The following RNF150 variants were observed in gnomAD, a reference collection of about 807,000 sequenced individuals.
RNF150 encodes ring finger protein 150.
In RNF150, 24 loss-of-function variants were observed where a neutral mutation model predicts 39.3. The ratio of observed to expected loss-of-function variants is 0.61; its 90% CI spans 0.44 to 0.86. RNF150 has a LOEUF of 0.86. Ranked by LOEUF, RNF150 falls within the 40% of genes least tolerant of loss-of-function variation. RNF150 has a pLI of 0.00. For synonymous variants in RNF150, 255 were observed against 227.3 expected, an observed-to-expected ratio of 1.12 and a Z score of -1.10; for missense variants, 502 against 587.8, an observed-to-expected ratio of 0.85 and a Z score of 1.51.
chr4:140,950,656 C>T (rs538345756), intron 2 of RNF150, among the ~76,000 whole-genome samples: 1 of 152,242 alleles, frequency 6.6e-6, no homozygotes, highest in African/African-American at 2.4e-5. Context: ...AGTCAGCCAT[C>T]CATCCAACGT....
chr4:141,155,728 C>A (rs1727382098), intron 1 of RNF150, among the ~76,000 whole-genome samples: 2 of 152,128 alleles, frequency 1.3e-5, no homozygotes, highest in African/African-American at 2.4e-5. Flanking sequence ...CAAAGACATG[C>A]AGTGCCCAGT....
At chr4:141,119,911 G>A (rs1466454488) in intron 1 of RNF150, among the ~76,000 whole-genome samples, 4 of 152,176 alleles carry the variant, frequency 2.6e-5, no homozygotes, top group Admixed American at 2.6e-4. Flanking sequence ...AAGTTTTTAA[G>A]CATTCAAATT....
intron 1 of RNF150, among the ~76,000 whole-genome samples, chr4:141,125,354 A>G (rs1578752764): frequency 6.6e-6 from 1 of 152,332 alleles, no homozygotes; most frequent in Middle Eastern, 3.4e-3. Context: ...TCTGGGTTTT[A>G]TATTACCACC....
chr4:141,133,364 C>T lies in RNF150; in HGVS notation c.-556G>A, dbSNP rs1035832644. ...GCGGGCGCTGCGCTCCTGATCTCGC[C>T]GGTGGCTGCGCCTGGGCACGCACTT... On this transcript the variant is annotated 5_prime_UTR_variant, in exon 1 of 7. Transcript: ENST00000515673. The T allele has an allele frequency of 3.1e-5, 5 of 160,534 alleles. No homozygotes were observed. The highest frequency in any genetic ancestry group is 1.3e-4 in the Admixed American group (2 of 15,368). The allele number at this position is 160,534 out of a possible 1,614,324, so 9.9% of individuals were successfully genotyped here. A position where few individuals can be genotyped will look rare whatever the true frequency, so the allele number is the denominator to read the frequency against.
intron 4 of RNF150, among the ~76,000 whole-genome samples, chr4:140,940,406 TGTGTATA>T (rs1732036065): frequency 1.3e-5 from 2 of 152,050 alleles, no homozygotes; most frequent in Non-Finnish European, 2.9e-5. Flanking sequence ...TGTGTGTGTG[TGTGTATA>T]ACAATTGAAG....
chr4:141,203,965 G>A (rs1446900782), intron 1 of RNF150, among the ~76,000 whole-genome samples: 1 of 152,122 alleles, frequency 6.6e-6, no homozygotes. Context: ...GGTCAGGTGA[G>A]AGCAGAGAGA....
intron 4 of RNF150, among the ~76,000 whole-genome samples, chr4:140,946,587 AG>A (rs1221464988): frequency 6.6e-6 from 1 of 152,188 alleles, no homozygotes; most frequent in Non-Finnish European, 1.5e-5. Flanking sequence ...CCTGGGCTCA[AG>A]GGATCCTCCC....
In RNF150 at chr4:141,091,790, T is replaced by A. The variant is rs979269360; in HGVS notation, c.484+40535A>T. Reference sequence around the variant, plus strand: ...TATAAGACAGACCCACTGACTCATATGAAACAAGCTACCAACACACAAAAG... The same window carrying A: ...TATAAGACAGACCCACTGACTCATAAGAAACAAGCTACCAACACACAAAAG... On this transcript the variant is annotated intron_variant, in intron 1 of 6. Transcript: ENST00000515673. Among the ~76,000 whole-genome samples, 9 of 152,296 alleles carry A rather than the reference T, an allele frequency of 5.9e-5. No individual in the cohort carries two copies. In the East Asian group the frequency reaches 1.7e-3, roughly 29 times the overall value.
chr4:141,024,924 T>C (rs1735639838), intron 1 of RNF150, among the ~76,000 whole-genome samples: 1 of 152,176 alleles, frequency 6.6e-6, no homozygotes, highest in African/African-American at 2.4e-5. Flanking sequence ...GAATCAAGAA[T>C]AGGGAGTCTG....
intron 1 of RNF150, among the ~76,000 whole-genome samples, chr4:141,066,200 G>T (rs1284494698): frequency 6.6e-6 from 1 of 151,122 alleles, no homozygotes. Flanking sequence ...ATTAGAACAG[G>T]GTGCAATTGT....
intron 1 of RNF150, among the ~76,000 whole-genome samples, chr4:141,054,899 A>G (rs1736911718): frequency 1.3e-5 from 2 of 152,328 alleles, no homozygotes; most frequent in Non-Finnish European, 2.9e-5. Context: ...AGAAATTGCT[A>G]AAGCAAATGT....
At chr4:141,011,609 A>G (rs1735078393) in intron 1 of RNF150, among the ~76,000 whole-genome samples, 1 of 152,232 alleles carries the variant, frequency 6.6e-6, no homozygotes, top group Admixed American at 6.5e-5. Context: ...ATTGTGTGAG[A>G]TGGACTTGGG....
chr4:141,041,983 T>G (rs1055977819), intron 1 of RNF150, among the ~76,000 whole-genome samples: 1 of 152,058 alleles, frequency 6.6e-6, no homozygotes, highest in African/African-American at 2.4e-5. Flanking sequence ...AACTAAGGAA[T>G]TATATAATCA....
At chr4:141,103,623 A>G (rs1048625207) in intron 1 of RNF150, among the ~76,000 whole-genome samples, 1 of 152,214 alleles carries the variant, frequency 6.6e-6, no homozygotes, top group Non-Finnish European at 1.5e-5. Context: ...TGTGTGAAAC[A>G]AAAGTTTCAC....
At chr4:141,040,350 A>G (rs1193157120) in intron 1 of RNF150, among the ~76,000 whole-genome samples, 1 of 152,212 alleles carries the variant, frequency 6.6e-6, no homozygotes, top group Non-Finnish European at 1.5e-5. Flanking sequence ...AAGTACTAAT[A>G]TTTTAATGGC....
chr4:140,902,259 A>G (rs1437732160), intron 6 of RNF150, among the ~76,000 whole-genome samples: 1 of 152,220 alleles, frequency 6.6e-6, no homozygotes, highest in African/African-American at 2.4e-5. Context: ...AAGGAGGACA[A>G]TAGCATGGAA....
chr4:141,174,441 A>G (rs1727776049), intron 1 of RNF150, among the ~76,000 whole-genome samples: 1 of 152,174 alleles, frequency 6.6e-6, no homozygotes, highest in South Asian at 2.1e-4. Flanking sequence ...AAAGAAATGC[A>G]TCTGAATTTT....
chr4:141,030,131 T>A (rs1735877859), intron 1 of RNF150, among the ~76,000 whole-genome samples: 1 of 151,822 alleles, frequency 6.6e-6, no homozygotes. Flanking sequence ...GAGGCAGAGC[T>A]TGCAGTGAGC....
chr4:141,095,396 C>T (rs1371309200), intron 1 of RNF150, among the ~76,000 whole-genome samples: 1 of 152,022 alleles, frequency 6.6e-6, no homozygotes, highest in Admixed American at 6.6e-5. Context: ...GTGCTTCTCT[C>T]ATAAGGAGCA....
Sources: gnomAD v4.1 joint callset for allele counts (sites outside exome capture counted in the v4.1 genomes callset) on GRCh38, gnomAD v4.1.1 for gene constraint, MANE v1.5 for transcripts, NCBI Gene and HGNC (gene_info 2026-07-23, HGNC 2026-07-21) for gene names.